The following KHDRBS2 variants were observed in gnomAD, a reference collection of about 807,000 sequenced individuals.
KHDRBS2 encodes the protein KH domain-containing, RNA-binding, signal transduction-associated protein 2.
Under a neutral mutation model 44.3 loss-of-function variants are expected in KHDRBS2, and 26 were observed. The observed-to-expected ratio is 0.59, with a 90% confidence interval of 0.43 to 0.81. The LOEUF is 0.81. Among genes scored for constraint, KHDRBS2 ranks in the 40% least tolerant of loss-of-function variants. The pLI, the probability that KHDRBS2 is intolerant of heterozygous loss-of-function variation, is 0.00. For synonymous variants in KHDRBS2, 194 were observed against 151.1 expected (o/e 1.28, Z -2.08); for missense variants, 476 against 433.1 (o/e 1.10, Z -0.88).
chr6:62,071,638 A>G (rs1269665244), intron 2 of KHDRBS2, among the ~76,000 whole-genome samples: 1 of 152,178 alleles, frequency 6.6e-6, no homozygotes, highest in African/African-American at 2.4e-5. Flanking sequence ...TTTGTCAAAG[A>G]TCAGATAGCT....
intron 2 of KHDRBS2, among the ~76,000 whole-genome samples, chr6:62,120,868 A>G (rs1241259978): frequency 6.6e-6 from 1 of 152,186 alleles, no homozygotes; most frequent in Admixed American, 6.5e-5. Context: ...TTATGATGTT[A>G]ATCTTTTTCC....
the KHDRBS2 span, among the ~76,000 whole-genome samples, chr6:61,591,435 A>T: frequency 6.6e-6 from 1 of 152,186 alleles, no homozygotes; most frequent in Admixed American, 6.5e-5. Context: ...AAGTAAAACA[A>T]TAGGAAAACA....
intron 6 of KHDRBS2, among the ~76,000 whole-genome samples, chr6:61,849,026 T>C (rs1473186498): frequency 6.6e-6 from 1 of 152,054 alleles, no homozygotes; most frequent in Non-Finnish European, 1.5e-5. Context: ...ACCCAAAGTT[T>C]TTCTAGAGAT....
chr6:61,717,537 A>G (rs1349767077), intron 7 of KHDRBS2, among the ~76,000 whole-genome samples: 1 of 152,082 alleles, frequency 6.6e-6, no homozygotes, highest in African/African-American at 2.4e-5. Flanking sequence ...CAATCTCATC[A>G]TAGACTATAG....
rs77321947 is a variant in KHDRBS2 at position 61,899,455 on chromosome 6, C to A, written c.611+1789G>T. Among the ~76,000 whole-genome samples, 1,484 of 151,802 alleles carry A rather than the reference C, an allele frequency of 9.8e-3. 13 individuals are homozygous for A. The highest frequency in any genetic ancestry group is 0.017 in the Middle Eastern group (5 of 294). On this transcript the variant is annotated intron_variant, in intron 5 of 8. Coordinates refer to ENST00000281156, the MANE Select transcript of KHDRBS2 (RefSeq NM_152688.4). ...TCTTTTCTTTTTATGTATATAGTAT[C>A]AGATCTGTATGTTATATGGGATTAA... is the stretch of plus-strand genomic sequence containing the variant.
At chr6:62,281,388 G>A (rs1439328845) in intron 1 of KHDRBS2, among the ~76,000 whole-genome samples, 2 of 152,100 alleles carry the variant, frequency 1.3e-5, no homozygotes, top group African/African-American at 2.4e-5. Flanking sequence ...TTGGGAGGAT[G>A]AGGCAGGTCA....
chr6:61,991,130 T>G (rs1776066176), intron 3 of KHDRBS2, among the ~76,000 whole-genome samples: 1 of 152,214 alleles, frequency 6.6e-6, no homozygotes, highest in Non-Finnish European at 1.5e-5. Context: ...TATGATATTC[T>G]TCCAGGAAAT....
At chr6:61,556,269 G>C in the KHDRBS2 span, among the ~76,000 whole-genome samples, 1 of 152,196 alleles carries the variant, frequency 6.6e-6, no homozygotes, top group Non-Finnish European at 1.5e-5. Flanking sequence ...GTGGCCATGC[G>C]TGCATTCACA....
At chr6:62,227,061 T>C (rs2150156328) in intron 1 of KHDRBS2, among the ~76,000 whole-genome samples, 1 of 152,266 alleles carries the variant, frequency 6.6e-6, no homozygotes, top group Middle Eastern at 3.4e-3. Flanking sequence ...CTGTGAAAAA[T>C]GCCAATGTTA....
At chr6:62,229,360 G>C (rs1832497541) in intron 1 of KHDRBS2, among the ~76,000 whole-genome samples, 1 of 152,132 alleles carries the variant, frequency 6.6e-6, no homozygotes, top group Non-Finnish European at 1.5e-5. Flanking sequence ...AGCCTCCCAG[G>C]CTTCAGTAGG....
chr6:61,802,588 C>G (rs1786454645), intron 6 of KHDRBS2, among the ~76,000 whole-genome samples: 1 of 152,092 alleles, frequency 6.6e-6, no homozygotes, highest in Non-Finnish European at 1.5e-5. Context: ...CTCCTAAATT[C>G]TAGTTTCAAA....
At chr6:62,096,676 A>G (rs1800673605) in intron 2 of KHDRBS2, among the ~76,000 whole-genome samples, 1 of 151,752 alleles carries the variant, frequency 6.6e-6, no homozygotes, top group South Asian at 2.1e-4. Flanking sequence ...TTTTCATTTA[A>G]TTGATTTTTT....
intron 1 of KHDRBS2, among the ~76,000 whole-genome samples, chr6:62,248,321 T>C (rs1272296358): frequency 2.0e-5 from 3 of 151,576 alleles, no homozygotes; most frequent in Non-Finnish European, 2.9e-5. Context: ...CAGCAAAACA[T>C]CTAATCCAGT....
chr6:62,199,836 AC>A (rs904510653), intron 1 of KHDRBS2, among the ~76,000 whole-genome samples: 2 of 152,212 alleles, frequency 1.3e-5, no homozygotes, highest in African/African-American at 2.4e-5. Context: ...TTCAAACTAT[AC>A]TACAAGGCTA....
At chr6:61,758,274 T>C (rs1156672040) in intron 6 of KHDRBS2, among the ~76,000 whole-genome samples, 1 of 152,146 alleles carries the variant, frequency 6.6e-6, no homozygotes, top group Non-Finnish European at 1.5e-5. Context: ...ACTTGTTTCA[T>C]ATATTTTGTA....
At chr6:62,188,822 C>T (rs762980146) in intron 1 of KHDRBS2, among the ~76,000 whole-genome samples, 1 of 152,034 alleles carries the variant, frequency 6.6e-6, no homozygotes, top group Non-Finnish European at 1.5e-5. Context: ...TCTTAGAAAA[C>T]GTGTCAGTAG....
intron 1 of KHDRBS2, among the ~76,000 whole-genome samples, chr6:62,226,859 A>C (rs1436717645): frequency 6.6e-6 from 1 of 151,968 alleles, no homozygotes; most frequent in East Asian, 1.9e-4. Context: ...CTTTTAAGGT[A>C]TCTGTTCTGT....
chr6:61,955,688 A>G (rs79929088), intron 4 of KHDRBS2, among the ~76,000 whole-genome samples: 38,544 of 112,276 alleles, frequency 0.34, 8,529 homozygotes, highest in Admixed American at 0.42. Context: ...ATGTATGTAT[A>G]CATATATGTG....
chr6:61,629,213 C>T, the KHDRBS2 span, among the ~76,000 whole-genome samples: 1 of 151,904 alleles, frequency 6.6e-6, no homozygotes, highest in Non-Finnish European at 1.5e-5. Flanking sequence ...ACTTGAATAC[C>T]CAGATAATAA....
Sources: gnomAD v4.1 joint callset for allele counts (sites outside exome capture counted in the v4.1 genomes callset) on GRCh38, gnomAD v4.1.1 for gene constraint, MANE v1.5 for transcripts, NCBI Gene and HGNC (gene_info 2026-07-23, HGNC 2026-07-21) for gene names.